CSMD1: variants seen among roughly 807,000 people sequenced by gnomAD.
CSMD1 encodes the protein CUB and Sushi multiple domains 1, also known as CUB and sushi domain-containing protein 1.
In CSMD1, 213 loss-of-function variants were observed where a neutral mutation model predicts 417.5. That is an observed-to-expected ratio of 0.51 (90% confidence interval 0.46 to 0.57). CSMD1 has a LOEUF of 0.57. Ranked by LOEUF, CSMD1 falls within the 20% of genes least tolerant of loss-of-function variation. The pLI, the probability that CSMD1 is intolerant of heterozygous loss-of-function variation, is 0.00. For synonymous variants in CSMD1, 2,862 were observed against 1,736.8 expected (o/e 1.65, Z -16.11); for missense variants, 6,923 against 4,529.7 (o/e 1.53, Z -15.17).
chr8:4,415,041 T>G (rs1310843392), intron 3 of CSMD1, among the ~76,000 whole-genome samples: 3 of 152,200 alleles, frequency 2.0e-5, no homozygotes, highest in Non-Finnish European at 2.9e-5. Flanking sequence ...TATCCTTCGT[T>G]TCATAGTCCA....
At chr8:3,895,681 C>T (rs1220932974) in intron 5 of CSMD1, among the ~76,000 whole-genome samples, 1 of 152,064 alleles carries the variant, frequency 6.6e-6, no homozygotes, top group Non-Finnish European at 1.5e-5. Flanking sequence ...ATTTATAATC[C>T]AAGTATTTGT....
intron 37 of CSMD1, among the ~76,000 whole-genome samples, chr8:3,178,560 C>T (rs1821085332): frequency 1.3e-5 from 2 of 152,142 alleles, no homozygotes; most frequent in Non-Finnish European, 2.9e-5. Flanking sequence ...CTCTGCATGC[C>T]ATCTGTTATT....
intron 44 of CSMD1, among the ~76,000 whole-genome samples, chr8:3,108,147 G>A (rs752226913): frequency 2.6e-5 from 4 of 152,160 alleles, no homozygotes; most frequent in Non-Finnish European, 4.4e-5. Flanking sequence ...GCCCTGTCCC[G>A]TGTCCTGAGG....
chr8:3,121,542 C>G (rs2129020702), intron 41 of CSMD1, among the ~76,000 whole-genome samples: 1 of 152,300 alleles, frequency 6.6e-6, no homozygotes, highest in Middle Eastern at 3.4e-3. Flanking sequence ...TGGGCAGCCT[C>G]TGAAACCCAG....
At chr8:4,719,125 C>A (rs575941116) in intron 1 of CSMD1, among the ~76,000 whole-genome samples, 1 of 151,806 alleles carries the variant, frequency 6.6e-6, no homozygotes, top group African/African-American at 2.4e-5. Flanking sequence ...GAATGATGAA[C>A]AAGAAACTAA....
intron 2 of CSMD1, among the ~76,000 whole-genome samples, chr8:4,481,920 G>C (rs761470823): frequency 4.6e-5 from 7 of 152,088 alleles, no homozygotes; most frequent in Non-Finnish European, 1.0e-4. Context: ...TTGAGGTGTG[G>C]AAACAACAGA....
chr8:3,536,322 C>A (rs920774682), intron 10 of CSMD1, among the ~76,000 whole-genome samples: 1 of 152,160 alleles, frequency 6.6e-6, no homozygotes, highest in Non-Finnish European at 1.5e-5. Flanking sequence ...TTTAAAATGG[C>A]AGCCTGTGGC....
intron 2 of CSMD1, among the ~76,000 whole-genome samples, chr8:4,485,954 A>G (rs2130166613): frequency 6.6e-6 from 1 of 151,706 alleles, no homozygotes; most frequent in South Asian, 2.1e-4. Context: ...AAAGTTCATC[A>G]CTCTGATATT....
intron 3 of CSMD1, among the ~76,000 whole-genome samples, chr8:4,310,625 A>T (rs1798508180): frequency 6.6e-6 from 1 of 152,206 alleles, no homozygotes. Context: ...GTATGTTAGG[A>T]AAAATGAGTC....
chr8:3,321,470 C>G (rs1806150855), intron 23 of CSMD1, among the ~76,000 whole-genome samples: 1 of 152,134 alleles, frequency 6.6e-6, no homozygotes, highest in African/African-American at 2.4e-5. Context: ...AATCCCACCA[C>G]AAGTAGGCAA....
chr8:3,754,617 G>C (rs142208687), intron 5 of CSMD1, among the ~76,000 whole-genome samples: 3,258 of 152,160 alleles, frequency 0.021, 154 homozygotes, highest in East Asian at 0.14. Flanking sequence ...ATCATGCCTG[G>C]CTACTTTTTA....
At chr8:4,944,907 T>C (rs1006339344) in intron 1 of CSMD1, among the ~76,000 whole-genome samples, 2 of 152,114 alleles carry the variant, frequency 1.3e-5, no homozygotes, top group Non-Finnish European at 1.5e-5. Flanking sequence ...TCTGAGGATA[T>C]ACTCAAAACA....
chr8:4,240,051 G>T (rs1210976523), intron 3 of CSMD1, among the ~76,000 whole-genome samples: 1 of 152,164 alleles, frequency 6.6e-6, no homozygotes, highest in Non-Finnish European at 1.5e-5. Context: ...AGAAAATCAT[G>T]CATTTTTATT....
At chr8:3,935,778 T>C (rs141001887) in intron 5 of CSMD1, among the ~76,000 whole-genome samples, 59 of 152,238 alleles carry the variant, frequency 3.9e-4, no homozygotes, top group African/African-American at 1.3e-3. Context: ...ATTAGGCCAA[T>C]TAATAAGCCT....
intron 7 of CSMD1, among the ~76,000 whole-genome samples, chr8:3,700,121 G>C (rs1037276186): frequency 7.9e-5 from 12 of 152,042 alleles, no homozygotes; most frequent in African/African-American, 2.7e-4. Context: ...AGTGGGAGTG[G>C]GGCGAGGGAT....
intron 4 of CSMD1, among the ~76,000 whole-genome samples, chr8:4,002,782 G>A (rs1207831156): frequency 6.6e-6 from 1 of 152,086 alleles, no homozygotes; most frequent in African/African-American, 2.4e-5. Context: ...TGGAAGAACT[G>A]AATAGAAAGT....
intron 7 of CSMD1, among the ~76,000 whole-genome samples, chr8:3,624,894 T>C (rs991292500): frequency 3.9e-5 from 6 of 152,222 alleles, no homozygotes; most frequent in Non-Finnish European, 8.8e-5. Flanking sequence ...AGGAGGTTTA[T>C]ATCTCAGCAA....
At chr8:2,951,581 T>A (rs933387646) in intron 65 of CSMD1, among the ~76,000 whole-genome samples, 10 of 152,200 alleles carry the variant, frequency 6.6e-5, no homozygotes, top group African/African-American at 2.4e-4. Context: ...GAACTGGTAC[T>A]TCTAATGCTA....
chr8:3,099,384 G>C (rs79679863), intron 46 of CSMD1, among the ~76,000 whole-genome samples: 2,167 of 152,124 alleles, frequency 0.014, 44 homozygotes, highest in African/African-American at 0.05. Flanking sequence ...GTAAGCTCAG[G>C]GCTGCCTCTT....
Sources: allele counts gnomAD v4.1 joint callset (sites outside exome capture counted in the v4.1 genomes callset), GRCh38; gene constraint gnomAD v4.1.1; transcripts MANE v1.5; gene names NCBI Gene and HGNC (gene_info 2026-07-23, HGNC 2026-07-21).